Variants in PCSK5 observed in about 807,000 individuals in gnomAD.
PCSK5 encodes the protein prohormone convertase 5.
Under a neutral mutation model 233.2 loss-of-function variants are expected in PCSK5, and 129 were observed. That is an observed-to-expected ratio of 0.55 (90% CI 0.48 to 0.64). The LOEUF is 0.64. PCSK5 is among the 30% of genes least tolerant of loss of function. The pLI, the probability that PCSK5 is intolerant of heterozygous loss-of-function variation, is 0.00. For missense variants in PCSK5, 2,076 were observed against 2,430.1 expected (o/e 0.85, Z 3.06); for synonymous variants, 825 against 879.2 (o/e 0.94, Z 1.09).
chr9:76,147,880 A>G (rs4391491), intron 10 of PCSK5, among the ~76,000 whole-genome samples: 32,357 of 152,028 alleles, frequency 0.21, 3,781 homozygotes, highest in Non-Finnish European at 0.25. Flanking sequence ...TTTTCTGTCA[A>G]TTGGACCATG....
intron 3 of PCSK5, among the ~76,000 whole-genome samples, chr9:75,996,135 A>G (rs924825290): frequency 1.3e-5 from 2 of 152,230 alleles, no homozygotes; most frequent in Admixed American, 6.5e-5. Context: ...TTCATAATTA[A>G]TAATTCCAAG....
chr9:76,285,267 G>A (rs10115755), intron 24 of PCSK5, among the ~76,000 whole-genome samples: 19,755 of 152,138 alleles, frequency 0.13, 1,754 homozygotes, highest in African/African-American at 0.26. Context: ...AGGTGACTGG[G>A]CCAAAAGGTT....
intron 2 of PCSK5, among the ~76,000 whole-genome samples, chr9:75,936,840 T>C (rs978812809): frequency 6.6e-6 from 1 of 152,190 alleles, no homozygotes; most frequent in Non-Finnish European, 1.5e-5. Flanking sequence ...CTTTTCCAGA[T>C]CCATTAGAGG....
At chr9:75,950,167 C>T in intron 2 of PCSK5, among the ~76,000 whole-genome samples, 1 of 146,684 alleles carries the variant, frequency 6.8e-6, no homozygotes, top group African/African-American at 2.5e-5. Flanking sequence ...GAGGGGGGAA[C>T]TGCTACAGCT....
At chr9:76,287,904 C>A in intron 24 of PCSK5, 1 of 185,966 alleles carries the variant, frequency 5.4e-6, no homozygotes, top group South Asian at 1.2e-4. Flanking sequence ...ATGTGGGCCC[C>A]AGGGCACCAG....
chr9:76,053,942 T>G (rs1369681194), intron 5 of PCSK5, among the ~76,000 whole-genome samples: 2 of 152,282 alleles, frequency 1.3e-5, no homozygotes, highest in South Asian at 2.1e-4. Flanking sequence ...TACTCGAGAT[T>G]GGGTAACTTA....
intron 2 of PCSK5, among the ~76,000 whole-genome samples, chr9:75,966,629 GTGTCCACT>G (rs893774911): frequency 1.3e-5 from 2 of 152,138 alleles, no homozygotes; most frequent in African/African-American, 4.8e-5. Flanking sequence ...CACTTCCAGG[GTGTCCACT>G]TGACCTGTCA....
At chr9:76,330,806 T>C (rs1001238701) in intron 33 of PCSK5, among the ~76,000 whole-genome samples, 3 of 152,122 alleles carry the variant, frequency 2.0e-5, no homozygotes, top group Non-Finnish European at 2.9e-5. Flanking sequence ...CCTTAGCTCC[T>C]GGTCCACAAA....
intron 5 of PCSK5, among the ~76,000 whole-genome samples, chr9:76,036,578 C>CACCT (rs1364936497): frequency 1.3e-5 from 2 of 152,178 alleles, no homozygotes; most frequent in African/African-American, 2.4e-5. Flanking sequence ...ACAACCAAAA[C>CACCT]ACCTACAAAT....
chr9:75,894,736 T>A (rs1169960552), intron 1 of PCSK5, among the ~76,000 whole-genome samples: 1 of 151,958 alleles, frequency 6.6e-6, no homozygotes, highest in Non-Finnish European at 1.5e-5. Flanking sequence ...TGGCCGAGGG[T>A]AGGAGGTGTG....
chr9:76,122,929 C>T (rs1359947677), intron 9 of PCSK5, among the ~76,000 whole-genome samples: 1 of 150,808 alleles, frequency 6.6e-6, no homozygotes, highest in Non-Finnish European at 1.5e-5. Flanking sequence ...CCTTCACCTC[C>T]CAGGTTCAAG....
intron 7 of PCSK5, among the ~76,000 whole-genome samples, chr9:76,082,306 A>T (rs1830873326): frequency 6.6e-6 from 1 of 152,206 alleles, no homozygotes; most frequent in South Asian, 2.1e-4. Context: ...TCATCTTCCC[A>T]GTCAGTCCTA....
chr9:76,215,994 G>A (rs1305654804), intron 20 of PCSK5, among the ~76,000 whole-genome samples: 4 of 152,036 alleles, frequency 2.6e-5, no homozygotes, highest in African/African-American at 9.7e-5. Context: ...ACTCCAAGGG[G>A]GAGAGTTTGA....
At chr9:75,967,893 G>A (rs192219816) in intron 2 of PCSK5, among the ~76,000 whole-genome samples, 38 of 152,254 alleles carry the variant, frequency 2.5e-4, no homozygotes, top group Middle Eastern at 6.8e-3. Context: ...CTTCTGAATA[G>A]CTGGGATTAC....
At chr9:76,131,511 C>G (rs1158782837) in intron 9 of PCSK5, among the ~76,000 whole-genome samples, 1 of 151,932 alleles carries the variant, frequency 6.6e-6, no homozygotes, top group Non-Finnish European at 1.5e-5. Flanking sequence ...TTTCCTGAAG[C>G]TAATTTCTTC....
At chr9:76,210,657 T>G (rs949736928) in intron 20 of PCSK5, among the ~76,000 whole-genome samples, 4 of 152,128 alleles carry the variant, frequency 2.6e-5, no homozygotes, top group Non-Finnish European at 5.9e-5. Flanking sequence ...GTTGCAAGAT[T>G]TTAGGTAGGA....
chr9:76,173,869 G>A lies in PCSK5; in HGVS notation c.1757-1117G>A, dbSNP rs1438915279. ...GCCACCTGTAATCCCAGCTACTTGG[G>A]AGGATAAGGCAGGAGAATTGCTTGA... On this transcript the variant is annotated intron_variant, in intron 13 of 37. Transcript: ENST00000674117. 2.0e-5 allele frequency among the ~76,000 whole-genome samples: 3 copies of A among 152,084 alleles called. No individual in the cohort carries two copies. In the East Asian group the frequency reaches 5.8e-4, roughly 29 times the overall value.
intron 1 of PCSK5, among the ~76,000 whole-genome samples, chr9:75,927,703 C>T (rs549733313): frequency 4.2e-4 from 64 of 152,196 alleles, no homozygotes; most frequent in Admixed American, 1.0e-3. Context: ...ACGTGGGTCT[C>T]AGCTGTCTGT....
chr9:76,355,996 G>T (rs530474019), intron 37 of PCSK5, among the ~76,000 whole-genome samples: 2 of 152,124 alleles, frequency 1.3e-5, no homozygotes, highest in Non-Finnish European at 2.9e-5. Flanking sequence ...GAGCTACCGC[G>T]CCTGGCTTGA....
Sources: allele counts gnomAD v4.1 joint callset (sites outside exome capture counted in the v4.1 genomes callset), GRCh38; gene constraint gnomAD v4.1.1; transcripts MANE v1.5; gene names NCBI Gene and HGNC (gene_info 2026-07-23, HGNC 2026-07-21).